Variants in AP2A1 observed in about 807,000 individuals in gnomAD.
AP2A1 encodes the protein AP-2 complex subunit alpha-1.
A neutral mutation model predicts 107.3 loss-of-function variants in AP2A1; 21 were observed. The ratio of observed to expected loss-of-function variants is 0.20; its 90% CI spans 0.14 to 0.28. The LOEUF is 0.28. Among genes scored for constraint, AP2A1 ranks in the 10% least tolerant of loss-of-function variants. The pLI is 1.00. For missense variants in AP2A1, 873 were observed against 1,307.7 expected (o/e 0.67, Z 5.13); for synonymous variants, 602 against 564.8 (o/e 1.07, Z -0.93).
intron 2 of AP2A1, 58 bp downstream of exon 2, chr19:49,781,883 C>A (rs1216174864): frequency 1.2e-6 from 2 of 1,607,680 alleles, no homozygotes; most frequent in Admixed American, 3.4e-5. Context: ...AGCTGGGGCT[C>A]CTGTGACCTA....
At chr19:49,793,474 C>T (rs1025480597) in intron 6 of AP2A1, among the ~76,000 whole-genome samples, 73 of 152,306 alleles carry the variant, frequency 4.8e-4, no homozygotes, top group East Asian at 7.7e-4. Flanking sequence ...CTTTGCCTCC[C>T]GCCTCTCTCT....
chr19:49,788,712 C>T lies in AP2A1; in HGVS notation c.474-3223C>T, dbSNP rs1330210781. Among the ~76,000 whole-genome samples the T allele has an allele frequency of 3.3e-5, 5 of 150,476 alleles. No individual in the cohort carries two copies. Among genetic ancestry groups the T allele is most frequent in the African/African-American group, 4.9e-5 (2 of 40,800 alleles). ...GAGTCAGGGCTCGGGAGATGCGCGC[C>T]GTGACGGAGATGGGAAAGTGGCCTG... On this transcript the variant is annotated intron_variant, in intron 4 of 22. Coordinates refer to ENST00000354293, the MANE Select transcript of AP2A1 (RefSeq NM_130787.3). The surrounding 1 kb of genome is among the most constrained non-coding windows in gnomAD (Gnocchi z 4.5).
At position 49,772,257 on chromosome 19, in the gene AP2A1, T is replaced by TGTTTTGTTTTG. The variant is rs1480855704; in HGVS notation, c.67+5057_67+5058insGTTTTGTTTTG. Among the ~76,000 whole-genome samples the TGTTTTGTTTTG allele has an allele frequency of 1.6e-4, 20 of 122,176 alleles. 1 individual carries two copies. Among genetic ancestry groups the TGTTTTGTTTTG allele is most frequent in the South Asian group, 6.1e-4 (2 of 3,268 alleles). 80.2% of individuals were successfully genotyped at this position (122,176 alleles called of 152,430 possible). On this transcript the variant is annotated intron_variant, in intron 1 of 22. Transcript: ENST00000354293. Reference sequence around the variant, plus strand: ...GTATTTTTCATAGAGTTTTTTTTTTTTTTTTTTTTTTTTTTTTTTTGAGAT... The same window carrying TGTTTTGTTTTG: ...GTATTTTTCATAGAGTTTTTTTTTTTGTTTTGTTTTGTTTTTTTTTTTTTTTTTTTTGAGAT...
Position 49,767,129 on chromosome 19 carries a change from C to T in AP2A1, c.-5C>T. 2 of 1,611,096 alleles carry T rather than the reference C, an allele frequency of 1.2e-6. No homozygotes were observed. The highest frequency in any genetic ancestry group is 1.1e-5 in the South Asian group (1 of 91,018). ...GCCAGGCCTGGAGCCGACACCACCG[C>T]CATCATGCCGGCCGTGTCCAAGGGC... On this transcript the variant is annotated 5_prime_UTR_variant, in exon 1 of 23. Transcript: ENST00000354293.
chr19:49,791,151 C>G (rs1341107702), intron 4 of AP2A1, among the ~76,000 whole-genome samples: 2 of 152,244 alleles, frequency 1.3e-5, no homozygotes, highest in African/African-American at 4.8e-5. Flanking sequence ...ACAGGCTGTT[C>G]CCTCTGCCTG....
intron 1 of AP2A1, among the ~76,000 whole-genome samples, chr19:49,779,754 C>T (rs927224296): frequency 1.3e-5 from 2 of 152,186 alleles, no homozygotes; most frequent in African/African-American, 4.8e-5. Flanking sequence ...CATTTTTTCT[C>T]CACACTGTCT....
At chr19:49,802,777 C>G in intron 15 of AP2A1, 172 bp from the exon 16 acceptor site, 1 of 1,009,062 alleles carries the variant, frequency 9.9e-7, no homozygotes, top group Non-Finnish European at 1.4e-6. Context: ...GGGTTCTATT[C>G]CCATTGGAGG....
At chr19:49,792,673 GC>G (rs1205209485) in intron 5 of AP2A1, among the ~76,000 whole-genome samples, 7 of 151,966 alleles carry the variant, frequency 4.6e-5, no homozygotes, top group Non-Finnish European at 1.0e-4. Context: ...CATCACCTGC[GC>G]ACCAGCGCAG....
At chr19:49,801,163 C>T (rs2073274155) in intron 12 of AP2A1, 105 bp downstream of exon 12, 1 of 1,170,240 alleles carries the variant, frequency 8.5e-7, no homozygotes, top group African/African-American at 1.6e-5. Context: ...GGCTCCCATC[C>T]TCTCGGCCTC....
chr19:49,782,937 G>T (rs1196132046), intron 4 of AP2A1, among the ~76,000 whole-genome samples: 2 of 152,218 alleles, frequency 1.3e-5, no homozygotes, highest in Non-Finnish European at 2.9e-5. Context: ...GCTGCTCCCG[G>T]CAAAGCCAGT....
intron 7 of AP2A1, chr19:49,797,658 G>A (rs990623809): frequency 2.0e-5 from 3 of 152,224 alleles, no homozygotes; most frequent in African/African-American, 7.2e-5. Flanking sequence ...CCCGGGAGGT[G>A]GAGGTTGCAG....
chr19:49,791,749 C>A, intron 4 of AP2A1, 186 bp from the exon 5 acceptor site: 1 of 622,370 alleles, frequency 1.6e-6, no homozygotes, highest in Non-Finnish European at 2.8e-6. Context: ...AATCATTTTG[C>A]AGATGAAGAC....
In AP2A1 at chr19:49,782,005, C is replaced by T. The variant is rs2084681841; in HGVS notation, c.195C>T (p.Ile65=). 1.2e-6 allele frequency: 2 copies of T among 1,607,088 alleles called. No homozygotes were observed. Among genetic ancestry groups the T allele is most frequent in the Non-Finnish European group, 1.7e-6 (2 of 1,176,544 alleles). Residue 65 remains isoleucine, a synonymous_variant, in exon 3 of 23, where the codon ATC becomes ATT. Transcript: ENST00000354293. ...KKKYVCKLLF[I]FLLGHDIDFG... ...AATATGTGTGTAAACTGCTTTTCAT[C>T]TTCCTGCTTGGCCATGACATTGACT...
Position 49,781,786 on chromosome 19 carries a change from A to G in AP2A1, c.97A>G (p.Ile33Val). 2 of 1,605,882 alleles carry G rather than the reference A, an allele frequency of 1.2e-6. No individual in the cohort carries two copies. The highest frequency in any genetic ancestry group is 2.2e-5 in the South Asian group (2 of 89,630). Residue 33 changes from isoleucine to valine, a missense_variant, in exon 2 of 23, where the codon ATC becomes GTC. Ile to Val is a conservative substitution (Grantham distance 29). Coordinates refer to ENST00000354293, the MANE Select transcript of AP2A1 (RefSeq NM_130787.3). ...GAGCAAAGAGGCGGAAATTAAGAGAATCAACAAGGAACTGGCCAACATCCG... is the reference window on the plus strand; with the variant it reads ...GAGCAAAGAGGCGGAAATTAAGAGAGTCAACAAGGAACTGGCCAACATCCG... ...CKSKEAEIKR[I>V]NKELANIRSK...
chr19:49,795,592 C>CCTTTTTTTTTCTCTTT, intron 6 of AP2A1, 38 bp from the exon 7 acceptor site: 1 of 854,020 alleles, frequency 1.2e-6, no homozygotes, highest in Non-Finnish European at 1.9e-6. Context: ...GCCCCTCCCA[C>CCTTTTTTTTTCTCTTT]CCCAGCCCCC....
At chr19:49,777,423 C>G (rs1297949961) in intron 1 of AP2A1, among the ~76,000 whole-genome samples, 1 of 144,930 alleles carries the variant, frequency 6.9e-6, no homozygotes, top group Non-Finnish European at 1.5e-5. Context: ...ATCACCAGGT[C>G]AGGAGATTGA....
chr19:49,787,347 GT>G (rs199550216), intron 4 of AP2A1, among the ~76,000 whole-genome samples: 1 of 96,180 alleles, frequency 1.0e-5, no homozygotes, highest in East Asian at 3.3e-4. Flanking sequence ...TGTTTTTTTT[GT>G]TTTTTGTTTT....
intron 1 of AP2A1, among the ~76,000 whole-genome samples, chr19:49,781,227 C>T (rs1185266483): frequency 1.3e-5 from 2 of 151,832 alleles, no homozygotes; most frequent in Non-Finnish European, 2.9e-5. Context: ...GGACAGGCCA[C>T]GCGGGAGAGG....
intron 1 of AP2A1, among the ~76,000 whole-genome samples, chr19:49,770,476 G>C (rs1275622458): frequency 6.6e-6 from 1 of 152,128 alleles, no homozygotes; most frequent in Non-Finnish European, 1.5e-5. Context: ...AGCCCTGTGG[G>C]GGAGAAGGTG....
Sources: allele counts gnomAD v4.1 joint callset (sites outside exome capture counted in the v4.1 genomes callset), GRCh38; gene constraint gnomAD v4.1.1; non-coding constraint Gnocchi (gnomAD v3.1); transcripts MANE v1.5; gene names NCBI Gene and HGNC (gene_info 2026-07-23, HGNC 2026-07-21).